The following UFL1 variants were observed in gnomAD, a reference collection of about 807,000 sequenced individuals.
The protein encoded by UFL1 is E3 UFM1-protein ligase 1.
A neutral mutation model predicts 99.3 loss-of-function variants in UFL1; 78 were observed. That is an observed-to-expected ratio of 0.79 (90% CI 0.65 to 0.95). The LOEUF (loss-of-function observed/expected upper bound fraction) is 0.95, where lower values mean the gene tolerates loss of function less well. Ranked by LOEUF, UFL1 falls within the 40% of genes least tolerant of loss-of-function variation. The pLI is 0.00. For missense variants in UFL1, 936 were observed against 937.0 expected (o/e 1.00, Z 0.01); for synonymous variants, 335 against 322.2 (o/e 1.04, Z -0.42).
Position 96,554,583 on chromosome 6 carries a change from G to C in UFL1, c.*1080G>C, listed in dbSNP as rs1192994646. 1 of 151,462 alleles carries C rather than the reference G, an allele frequency of 6.6e-6. No individual in the cohort carries two copies. The allele number at this position is 151,462 out of a possible 1,614,324, so 9.4% of individuals were successfully genotyped here. On this transcript the variant is annotated 3_prime_UTR_variant, in exon 19 of 19. Coordinates refer to ENST00000369278, the MANE Select transcript of UFL1 (RefSeq NM_015323.5). ...TATCAAAAAGGGATTTAATTATTTT[G>C]AATATAATTATAAATTAAATTTCAA...
rs1770135164 is a variant in UFL1, at chr6:96,555,016, G to A, written c.*1513G>A. 6.6e-6 allele frequency: 1 copy of A among 152,476 alleles called. No homozygotes were observed. Among genetic ancestry groups the A allele is most frequent in the African/African-American group, 2.4e-5 (1 of 41,422 alleles). The allele number at this position is 152,476 out of a possible 1,614,324, so 9.4% of individuals were successfully genotyped here. On this transcript the variant is annotated 3_prime_UTR_variant, in exon 19 of 19. Transcript: ENST00000369278. ...TCCATGTTTGTGTCAAATGATCATA[G>A]AAAATAAATAGAAGAGACAGTGAAG...
rs1207979573 is a variant in UFL1 at position 96,523,185 on chromosome 6, G to T, written c.117G>T (p.Leu39Phe). The T allele has an allele frequency of 6.2e-7, 1 of 1,612,458 alleles. No homozygotes were observed. Among genetic ancestry groups the T allele is most frequent in the African/African-American group, 1.3e-5 (1 of 74,958 alleles). ...ACTGCATTGAGATTGTTAATAAATT[G>T]ATTGCTCAGAAACAGCTAGAAGTAG... ...ERNCIEIVNKLIAQKQLEVVH... is the reference protein window; with the variant it reads ...ERNCIEIVNKFIAQKQLEVVH... Residue 39 changes from leucine (L) to phenylalanine (F), a missense_variant, in exon 2 of 19, where the codon TTG becomes TTT. By Grantham distance (22) the Leu-to-Phe change is conservative (BLOSUM62 0). Transcript: ENST00000369278.
chr6:96,529,944 CA>C (rs1482550502), intron 6 of UFL1, among the ~76,000 whole-genome samples: 1 of 152,114 alleles, frequency 6.6e-6, no homozygotes. Flanking sequence ...TCTATCACCA[CA>C]GATACTTTAA....
At chr6:96,552,827 C>T (rs1401670491) in intron 18 of UFL1, among the ~76,000 whole-genome samples, 165 bp downstream of exon 18, 1 of 151,982 alleles carries the variant, frequency 6.6e-6, no homozygotes, top group Non-Finnish European at 1.5e-5. Context: ...TTTTAAAATT[C>T]CACATAGCTC....
intron 2 of UFL1, among the ~76,000 whole-genome samples, chr6:96,523,768 A>G (rs929145073): frequency 2.6e-5 from 4 of 152,176 alleles, no homozygotes; most frequent in Non-Finnish European, 5.9e-5. Context: ...GCTGTTAAAA[A>G]CACGCACAAA....
At chr6:96,533,799 CAAAA>C (rs5878435) in intron 6 of UFL1, among the ~76,000 whole-genome samples, 3 of 113,764 alleles carry the variant, frequency 2.6e-5, no homozygotes, top group Non-Finnish European at 1.7e-5. Context: ...TACTCAAAAG[CAAAA>C]AAAAAAAAAA....
At chr6:96,530,485 AG>A (rs930047464) in intron 6 of UFL1, among the ~76,000 whole-genome samples, 3 of 152,148 alleles carry the variant, frequency 2.0e-5, no homozygotes, top group Non-Finnish European at 2.9e-5. Context: ...ATTTGTCGGG[AG>A]GGCAATTTGG....
Position 96,549,741 on chromosome 6 carries a change from A to T in UFL1, c.1760A>T (p.Asn587Ile), listed in dbSNP as rs778090533. 14 of 1,612,030 alleles carry T rather than the reference A, an allele frequency of 8.7e-6. No homozygotes were observed. The highest frequency in any genetic ancestry group is 3.4e-6 in the Non-Finnish European group (4 of 1,178,746). The change falls in exon 15 of 19, where the codon AAC (asparagine) becomes ATC (isoleucine). Residue 587 changes from asparagine (N) to isoleucine (I), a missense_variant. Transcript: ENST00000369278. ...VCTDITNLIF[N>I]FLASDLMMAV... ...ACTGATATCACTAACCTCATTTTCA[A>T]CTTCTTAGCTTCGGATTTAATGATG...
intron 8 of UFL1, 147 bp from the exon 9 acceptor site, chr6:96,537,227 A>T (rs936369416): frequency 1.9e-6 from 1 of 533,160 alleles, no homozygotes; most frequent in Non-Finnish European, 3.0e-6. Context: ...AGTTTTCTTA[A>T]GCATGATTAT....
At chr6:96,546,742 G>T (rs1582445051) in intron 12 of UFL1, among the ~76,000 whole-genome samples, 2 of 151,408 alleles carry the variant, frequency 1.3e-5, no homozygotes, top group South Asian at 4.1e-4. Context: ...CTTGGACAGG[G>T]TCGACAAAAA....
intron 5 of UFL1, 130 bp downstream of exon 5, chr6:96,526,565 A>G: frequency 1.4e-6 from 1 of 734,040 alleles, no homozygotes; most frequent in Non-Finnish European, 2.3e-6. Flanking sequence ...GTCTGACTTG[A>G]TATATGTTGT....
rs139562581 is a variant in UFL1, at chr6:96,548,087, T to C, written c.1403-77T>C. The C allele has an allele frequency of 9.6e-4, 842 of 875,288 alleles. 5 individuals are homozygous for C. In the African/African-American group the frequency reaches 0.013, roughly 14 times the overall value. The allele number at this position is 875,288 out of a possible 1,614,324, so 54.2% of individuals were successfully genotyped here. The stretch of plus-strand genomic sequence containing the variant: ...TGAATTATTGTCTTACTAAATATAG[T>C]AATGGAGCCCTATTTGCCATTTGGT... On this transcript the variant is annotated intron_variant, in intron 12 of 18. Coordinates refer to ENST00000369278, the MANE Select transcript of UFL1 (RefSeq NM_015323.5).
intron 15 of UFL1, among the ~76,000 whole-genome samples, chr6:96,550,445 C>G (rs1033006689): frequency 6.6e-6 from 1 of 151,892 alleles, no homozygotes; most frequent in Non-Finnish European, 1.5e-5. Flanking sequence ...CAGGAAAAAG[C>G]GTCTTGATGT....
chr6:96,552,140 C>G (rs983072280), intron 17 of UFL1, among the ~76,000 whole-genome samples: 14 of 151,952 alleles, frequency 9.2e-5, no homozygotes, highest in African/African-American at 3.1e-4. Flanking sequence ...TTTCTTTATC[C>G]TATAGTTCAT....
intron 7 of UFL1, among the ~76,000 whole-genome samples, chr6:96,534,637 CTTTG>C (rs966285689): frequency 2.0e-5 from 3 of 151,746 alleles, no homozygotes; most frequent in Non-Finnish European, 3.0e-5. Flanking sequence ...ATAGTTTTTA[CTTTG>C]TTTCTTATGA....
At chr6:96,522,913 G>A (rs1769640182) in intron 1 of UFL1, 1 of 308,940 alleles carries the variant, frequency 3.2e-6, no homozygotes, top group Non-Finnish European at 5.8e-6. Flanking sequence ...TGAAATTTGT[G>A]ATGGGATGAT....
chr6:96,534,156 C>G (rs1015349429), intron 6 of UFL1, 107 bp from the exon 7 acceptor site: 40 of 707,846 alleles, frequency 5.7e-5, no homozygotes, highest in Non-Finnish European at 7.5e-5. Flanking sequence ...TTTATTTTTT[C>G]TTTTAAACAG....
At chr6:96,542,446 CAAAG>C (rs994127178) in intron 11 of UFL1, among the ~76,000 whole-genome samples, 4 of 151,040 alleles carry the variant, frequency 2.6e-5, no homozygotes, top group Non-Finnish European at 5.9e-5. Context: ...AATCTTTCAA[CAAAG>C]AAGGCAAAAT....
Position 96,536,255 on chromosome 6 carries a change from G to A in UFL1, c.667G>A (p.Glu223Lys). 6.2e-7 allele frequency: 1 copy of A among 1,608,700 alleles called. No individual in the cohort carries two copies. The highest frequency in any genetic ancestry group is 8.5e-7 in the Non-Finnish European group (1 of 1,176,278). Residue 223 changes from glutamate (E) to lysine (K), a missense_variant, in exon 8 of 19, where the codon GAA (glutamate) becomes AAA (lysine). Glu to Lys is a moderately conservative substitution (Grantham distance 56). Coordinates refer to ENST00000369278, the MANE Select transcript of UFL1 (RefSeq NM_015323.5). ...QEQLLYSVLE[E>K]LVNSGRLRGT... is the part of the protein sequence containing the mutation. ...GGGTTTGTTTTAAGCTGTGCTTGAG[G>A]AACTTGTTAATAGCGGACGCTTACG... is the stretch of plus-strand genomic sequence containing the variant.
Sources: allele counts gnomAD v4.1 joint callset (sites outside exome capture counted in the v4.1 genomes callset), GRCh38; gene constraint gnomAD v4.1.1; transcripts MANE v1.5; gene names NCBI Gene and HGNC (gene_info 2026-07-23, HGNC 2026-07-21).